Variants in SGO2 observed in about 807,000 individuals in gnomAD.
SGO2 encodes shugoshin-like 2.
SGO2 carries 68 observed loss-of-function variants against 99.5 expected under a neutral mutation model. The observed-to-expected ratio is 0.68, with a 90% CI of 0.56 to 0.84. The LOEUF (loss-of-function observed/expected upper bound fraction) is 0.84. SGO2 is among the 40% of genes least tolerant of loss of function. The pLI, the probability that SGO2 is intolerant of heterozygous loss-of-function variation, is 0.00. For missense variants in SGO2, 1,350 were observed against 1,436.7 expected (o/e 0.94, Z 0.97); for synonymous variants, 457 against 487.1 (o/e 0.94, Z 0.81).
chr2:200,559,811 A>G (rs1269094766), intron 5 of SGO2, among the ~76,000 whole-genome samples: 2 of 152,098 alleles, frequency 1.3e-5, no homozygotes, highest in East Asian at 1.9e-4. Flanking sequence ...ATCACTTACA[A>G]GTATATTGTT....
intron 4 of SGO2, among the ~76,000 whole-genome samples, chr2:200,539,265 ATC>A (rs1366772341): frequency 1.3e-5 from 2 of 152,030 alleles, no homozygotes; most frequent in African/African-American, 4.8e-5. Context: ...TTAGAAAGTT[ATC>A]TGTTTCATCT....
At chr2:200,580,470 T>C in intron 8 of SGO2, 1 of 438,282 alleles carries the variant, frequency 2.3e-6, no homozygotes. Context: ...GTGTTTTCTT[T>C]GATTTACTTT....
intron 3 of SGO2, 28 bp downstream of exon 3, chr2:200,535,199 CTAATTA>C (rs1427296690): frequency 7.0e-7 from 1 of 1,420,356 alleles, no homozygotes; most frequent in Non-Finnish European, 9.2e-7. Flanking sequence ...TTTTTGAATT[CTAATTA>C]TAACTTAAAT....
At chr2:200,533,547 G>GTGTGTGTGTGTGTGTA (rs1396628320) in intron 2 of SGO2, among the ~76,000 whole-genome samples, 45 of 143,052 alleles carry the variant, frequency 3.1e-4, no homozygotes, top group Middle Eastern at 7.2e-3. Context: ...GTGTGTGTGT[G>GTGTGTGTGTGTGTGTA]TATACATGTG....
intron 3 of SGO2, among the ~76,000 whole-genome samples, 172 bp downstream of exon 3, chr2:200,535,343 T>C (rs544670732): frequency 6.6e-6 from 1 of 152,302 alleles, no homozygotes; most frequent in South Asian, 2.1e-4. Flanking sequence ...TAATAAAATA[T>C]GTGTTTTAAA....
At chr2:200,549,074 T>A (rs2032357436) in intron 5 of SGO2, among the ~76,000 whole-genome samples, 1 of 152,054 alleles carries the variant, frequency 6.6e-6, no homozygotes, top group African/African-American at 2.4e-5. Context: ...CTGGGCAATA[T>A]AACAAGATCC....
At chr2:200,583,099 C>T (rs550312922) in intron 8 of SGO2, among the ~76,000 whole-genome samples, 166 of 152,112 alleles carry the variant, frequency 1.1e-3, no homozygotes, top group African/African-American at 3.2e-3. Context: ...GTTTCTTAAC[C>T]TGGGTGTAGG....
Position 200,532,283 on chromosome 2 carries a change from T to G in SGO2, c.-2-691T>G, listed in dbSNP as rs74445547. 1,674 of 243,458 alleles carry G rather than the reference T, an allele frequency of 6.9e-3. 4 individuals carry two copies. The highest frequency in any genetic ancestry group is 9.4e-3 in the Middle Eastern group (4 of 426). The allele number at this position is 243,458 out of a possible 1,614,324, so 15.1% of individuals were successfully genotyped here. ...TGACAGAGTTTTTTGTTTTTTTTTT[T>G]GTTTTTTTTTTTTTTTCAGATCTCT... On this transcript the variant is annotated intron_variant, in intron 1 of 8. Coordinates refer to ENST00000357799, the MANE Select transcript of SGO2 (RefSeq NM_152524.6).
chr2:200,582,475 A>G (rs2033869044), intron 8 of SGO2, among the ~76,000 whole-genome samples: 1 of 152,152 alleles, frequency 6.6e-6, no homozygotes, highest in South Asian at 2.1e-4. Flanking sequence ...GCCCCAGGAA[A>G]TAACTTGGGT....
intron 8 of SGO2, among the ~76,000 whole-genome samples, chr2:200,577,484 A>G (rs1392767272): frequency 2.6e-5 from 4 of 152,182 alleles, no homozygotes; most frequent in Non-Finnish European, 5.9e-5. Context: ...CTCTCCCAGC[A>G]TTCCTTAATT....
intron 5 of SGO2, among the ~76,000 whole-genome samples, chr2:200,548,295 AC>A (rs1001398815): frequency 2.0e-5 from 3 of 152,076 alleles, no homozygotes; most frequent in African/African-American, 7.2e-5. Context: ...ATGGAAGAAA[AC>A]TGGAAATTAA....
intron 4 of SGO2, among the ~76,000 whole-genome samples, chr2:200,541,028 G>A (rs970377459): frequency 5.4e-5 from 3 of 55,226 alleles, no homozygotes; most frequent in Non-Finnish European, 1.4e-4. Flanking sequence ...CATGATAGAA[G>A]GTGGAAGGCA....
chr2:200,569,746 C>T lies in SGO2; in HGVS notation c.557C>T (p.Pro186Leu). Residue 186 changes from proline to leucine, a missense_variant, in exon 6 of 9, where the codon CCT becomes CTT. By Grantham distance (98) the Pro-to-Leu change is moderately conservative (BLOSUM62 -3). Transcript: ENST00000357799. The part of the protein sequence containing the change: ...CDNNIKSKTL[P>L]DIPSSGSTTQ... Reference sequence around the variant, plus strand: ...AACAATATTAAATCAAAGACATTACCTGATATTCCCTCTTCAGGATCAACA... The same window carrying T: ...AACAATATTAAATCAAAGACATTACTTGATATTCCCTCTTCAGGATCAACA... The T allele has an allele frequency of 6.2e-7, 1 of 1,612,788 alleles. No individual in the cohort carries two copies. The highest frequency in any genetic ancestry group is 1.1e-5 in the South Asian group (1 of 90,996).
rs1226282866 is a variant in SGO2 at position 200,571,569 on chromosome 2, AAAAG to A, written c.1225_1228del (p.Lys409GlufsTer51). Reference sequence around the variant, plus strand: ...AAAGTGAAAGATTCCAGCTCTGAAAAAAAGAGAGAAAGATCAAAGAGACAGTTTA... The same window carrying A: ...AAAGTGAAAGATTCCAGCTCTGAAAAAGAGAAAGATCAAAGAGACAGTTTA... On this transcript the variant is annotated frameshift_variant, in exon 7 of 9. Transcript: ENST00000357799. LOFTEE classifies it high-confidence loss of function. 1.2e-6 allele frequency: 2 copies of A among 1,612,094 alleles called. No homozygotes were observed. Among genetic ancestry groups the A allele is most frequent in the African/African-American group, 2.7e-5 (2 of 74,738 alleles).
intron 4 of SGO2, among the ~76,000 whole-genome samples, chr2:200,536,522 A>G (rs1458613837): frequency 6.6e-6 from 1 of 152,112 alleles, no homozygotes; most frequent in East Asian, 1.9e-4. Context: ...AAAAAAATAG[A>G]GGCTGGTCCT....
chr2:200,542,532 T>A, intron 4 of SGO2, 47 bp from the exon 5 acceptor site: 1 of 1,448,340 alleles, frequency 6.9e-7, no homozygotes, highest in Non-Finnish European at 9.5e-7. Context: ...ACTAACATGA[T>A]TTAATAAGGT....
chr2:200,549,819 C>T (rs1014740335), intron 5 of SGO2, among the ~76,000 whole-genome samples: 1 of 152,132 alleles, frequency 6.6e-6, no homozygotes, highest in Admixed American at 6.6e-5. Context: ...TGGAACAAGA[C>T]AAGAATGCCC....
intron 4 of SGO2, among the ~76,000 whole-genome samples, chr2:200,537,225 T>C (rs1335131332): frequency 6.6e-6 from 1 of 152,072 alleles, no homozygotes; most frequent in Non-Finnish European, 1.5e-5. Context: ...CTTTCCCTCT[T>C]GCATCATTAA....
At chr2:200,538,101 CTA>C in intron 4 of SGO2, among the ~76,000 whole-genome samples, 1 of 152,244 alleles carries the variant, frequency 6.6e-6, no homozygotes, top group South Asian at 2.1e-4. Flanking sequence ...TCTTGTTCCT[CTA>C]TGTATTCTCT....
Sources: allele counts gnomAD v4.1 joint callset (sites outside exome capture counted in the v4.1 genomes callset), GRCh38; gene constraint gnomAD v4.1.1; transcripts MANE v1.5; gene names NCBI Gene and HGNC (gene_info 2026-07-23, HGNC 2026-07-21).